The following WDR81 variants were observed in gnomAD, a reference collection of about 807,000 sequenced individuals.
WDR81 encodes WD repeat domain 81.
Under a neutral mutation model 140.8 loss-of-function variants are expected in WDR81, and 92 were observed. That is an observed-to-expected ratio of 0.65 (90% CI 0.55 to 0.78). The LOEUF (loss-of-function observed/expected upper bound fraction) is 0.78. WDR81 is among the 30% of genes least tolerant of loss of function. The pLI, the probability that WDR81 is intolerant of heterozygous loss-of-function variation, is 0.00. For missense variants in WDR81, 2,502 were observed against 2,636.4 expected (o/e 0.95, Z 1.12); for synonymous variants, 1,183 against 1,156.4 (o/e 1.02, Z -0.47).
chr17:1,726,879 C>T lies in WDR81; in HGVS notation c.1920C>T (p.Ala640=). Residue 640 remains alanine, a synonymous_variant, in exon 1 of 10, where the codon GCC becomes GCT. Coordinates refer to ENST00000409644, the MANE Select transcript of WDR81 (RefSeq NM_001163809.2). The stretch of plus-strand genomic sequence containing the variant: ...GAGTGGGCCGGCCAGTTTTAGAGGC[C>T]ACTCCCTGTGAGGCTAGCTGGACCA... ...PNGVGRPVLE[A]TPCEASWTRD... The T allele has an allele frequency of 6.4e-7, 1 of 1,550,398 alleles. No individual in the cohort carries two copies. Among genetic ancestry groups the T allele is most frequent in the Non-Finnish European group, 8.7e-7 (1 of 1,146,972 alleles).
Position 1,725,631 on chromosome 17 carries a change from G to T in WDR81, c.672G>T (p.Leu224Phe). The T allele has an allele frequency of 6.5e-7, 1 of 1,545,500 alleles. No individual in the cohort carries two copies. Residue 224 changes from leucine (L) to phenylalanine (F), a missense_variant, in exon 1 of 10, where the codon TTG becomes TTT. Around this residue, in one of 3 missense-constraint regions of WDR81, gnomAD observed 547 missense variants for 513.8 expected, o/e 1.06. Transcript: ENST00000409644. ...ACPSLLRAEA[L>F]LESPEMLYVV... ...CTAGTCTTTTACGGGCTGAGGCCTT[G>T]CTGGAGTCGCCGGAGATGCTGTATG... is the stretch of plus-strand genomic sequence containing the variant.
chr17:1,717,863 C>T (rs1226786066), intron 1 of WDR81, among the ~76,000 whole-genome samples: 1 of 152,146 alleles, frequency 6.6e-6, no homozygotes, highest in Non-Finnish European at 1.5e-5. Flanking sequence ...GTGGTCTAGA[C>T]CCTCCCTGGT....
intron 7 of WDR81, among the ~76,000 whole-genome samples, 165 bp downstream of exon 7, chr17:1,734,381 G>C (rs1904671377): frequency 6.6e-6 from 1 of 152,224 alleles, no homozygotes. Flanking sequence ...ACTTGAGTCT[G>C]AATTGGCTCC....
chr17:1,738,064 A>G lies in WDR81; in HGVS notation c.*379A>G, dbSNP rs1373222016. 1 of 310,704 alleles carries G rather than the reference A, an allele frequency of 3.2e-6. No individual in the cohort carries two copies. The highest frequency in any genetic ancestry group is 6.1e-6 in the Non-Finnish European group (1 of 165,046). 19.2% of individuals were successfully genotyped at this position (310,704 alleles called of 1,614,324 possible). A position where few individuals can be genotyped will look rare whatever the true frequency, so the allele number is the denominator to read the frequency against. On this transcript the variant is annotated 3_prime_UTR_variant, in exon 10 of 10. Transcript: ENST00000409644. ...CTGCCCAGCCGGTCTCTAGCCCCTC[A>G]GCCCCCGCTGGGCACTCTCTGTCCC...
At position 1,733,625 on chromosome 17, in the gene WDR81, A is replaced by T. The variant is rs2151173260; in HGVS notation, c.4588A>T (p.Ser1530Cys). 5.6e-6 allele frequency: 9 copies of T among 1,594,900 alleles called. No homozygotes were observed. The highest frequency in any genetic ancestry group is 7.7e-6 in the Non-Finnish European group (9 of 1,169,604). Reference protein sequence around the residue: ...SISPSSRNPASVEPTMPGTGP... With the variant: ...SISPSSRNPACVEPTMPGTGP... ...CAGCCCCAGCAGTCGCAACCCTGCC[A>T]GCGTGGAGCCCACCATGCCCGGCAC... The change falls in exon 7 of 10, where the codon AGC becomes TGC. Residue 1530 changes from serine (S) to cysteine (C), a missense_variant. Ser to Cys is a moderately radical substitution (Grantham distance 112). Around this residue, in one of 3 missense-constraint regions of WDR81, gnomAD observed 1,737 missense variants for 1,843.0 expected, o/e 0.94. Transcript: ENST00000409644.
chr17:1,732,977 C>T, intron 6 of WDR81, 146 bp downstream of exon 6: 1 of 1,028,098 alleles, frequency 9.7e-7, no homozygotes, highest in Non-Finnish European at 1.4e-6. Flanking sequence ...GCCTCAGACC[C>T]CTACCCCCAA....
upstream of WDR81, among the ~76,000 whole-genome samples, chr17:1,723,687 G>C (rs1221210371): frequency 6.6e-6 from 1 of 151,672 alleles, no homozygotes; most frequent in East Asian, 2.0e-4. Flanking sequence ...GGGTTTCACC[G>C]TGTTAGCCAG....
At position 1,725,061 on chromosome 17, in the gene WDR81, G is replaced by A; in HGVS notation, c.102G>A (p.Val34=). Residue 34 remains valine (V), a synonymous_variant, in exon 1 of 10, where the codon GTG becomes GTA. Coordinates refer to ENST00000409644, the MANE Select transcript of WDR81 (RefSeq NM_001163809.2). Reference sequence around the variant, plus strand: ...ACATGCAGGAGCTGCTCCGGAGCGTGGAGAGGGACCTGAGCATCGATCCCA... The same window carrying A: ...ACATGCAGGAGCTGCTCCGGAGCGTAGAGAGGGACCTGAGCATCGATCCCA... ...SPDMQELLRS[V]ERDLSIDPRQ... 1 of 1,484,578 alleles carries A rather than the reference G, an allele frequency of 6.7e-7. No individual in the cohort carries two copies. Among genetic ancestry groups the A allele is most frequent in the Non-Finnish European group, 9.0e-7 (1 of 1,117,042 alleles). 92.0% of individuals were successfully genotyped at this position (1,484,578 alleles called of 1,614,324 possible). A position where few individuals can be genotyped will look rare whatever the true frequency, so the allele number is the denominator to read the frequency against.
At position 1,726,024 on chromosome 17, in the gene WDR81, C is replaced by T; in HGVS notation, c.1065C>T (p.Gly355=). The T allele has an allele frequency of 6.5e-7, 1 of 1,544,722 alleles. No homozygotes were observed. Among genetic ancestry groups the T allele is most frequent in the Non-Finnish European group, 8.7e-7 (1 of 1,143,124 alleles). ...LRSLVLDWVH[G]RISNFHYLMQ... is the part of the protein sequence containing the mutation. Reference sequence around the variant, plus strand: ...GCCTCGTGCTAGATTGGGTCCACGGCCGCATCAGCAACTTCCACTACCTCA... The same window carrying T: ...GCCTCGTGCTAGATTGGGTCCACGGTCGCATCAGCAACTTCCACTACCTCA... The change falls in exon 1 of 10, where the codon GGC becomes GGT. Residue 355 remains glycine (G), a synonymous_variant. Coordinates refer to ENST00000409644, the MANE Select transcript of WDR81 (RefSeq NM_001163809.2).
intron 1 of WDR81, among the ~76,000 whole-genome samples, chr17:1,729,112 GCAGA>G (rs1242793312): frequency 6.6e-5 from 10 of 152,198 alleles, no homozygotes; most frequent in South Asian, 2.1e-4. Flanking sequence ...ATGCCGCAGT[GCAGA>G]CAGTCTTAAG....
At position 1,728,445 on chromosome 17, in the gene WDR81, C is replaced by T. The variant is rs530391216; in HGVS notation, c.3486C>T (p.Cys1162=). 1.1e-5 allele frequency: 18 copies of T among 1,611,752 alleles called. No individual in the cohort carries two copies. The highest frequency in any genetic ancestry group is 1.6e-4 in the Middle Eastern group (1 of 6,080). Residue 1162 remains cysteine (C), a synonymous_variant, in exon 1 of 10, where the codon TGC becomes TGT. Coordinates refer to ENST00000409644, the MANE Select transcript of WDR81 (RefSeq NM_001163809.2). ...AGGAAGAGGAGGAGGAGGACAGCTGCGTGGTGCTAGAGGAGGAGGAGGGGG... is the reference window on the plus strand; with the variant it reads ...AGGAAGAGGAGGAGGAGGACAGCTGTGTGGTGCTAGAGGAGGAGGAGGGGG... ...SEEEEEEEDS[C]VVLEEEEGEQ...
chr17:1,724,948 G>A lies in WDR81; in HGVS notation c.-12G>A, dbSNP rs577865106. ...GCTCAGCCCCGCGCTGCCCCCGGGC[G>A]GCCTGGAGGAGATGGCCCAGGGCAG... On this transcript the variant is annotated 5_prime_UTR_variant, in exon 1 of 10. Coordinates refer to ENST00000409644, the MANE Select transcript of WDR81 (RefSeq NM_001163809.2). 5 of 1,389,226 alleles carry A rather than the reference G, an allele frequency of 3.6e-6. No individual in the cohort carries two copies. The highest frequency in any genetic ancestry group is 1.7e-5 in the South Asian group (1 of 59,532). The allele number at this position is 1,389,226 out of a possible 1,614,324, so 86.1% of individuals were successfully genotyped here. A position where few individuals can be genotyped will look rare whatever the true frequency, so the allele number is the denominator to read the frequency against.
In WDR81 at chr17:1,726,309, C is replaced by T. The variant is rs553915473; in HGVS notation, c.1350C>T (p.Tyr450=). 85 of 1,544,248 alleles carry T rather than the reference C, an allele frequency of 5.5e-5. No individual in the cohort carries two copies. Among genetic ancestry groups the T allele is most frequent in the Middle Eastern group, 5.0e-4 (3 of 5,974 alleles). ...HISDVLSDIT[Y]YVYKARRTPR... is the part of the protein sequence containing the mutation. ...CAGACGTGCTCTCCGACATCACGTA[C>T]TATGTGTACAAGGCTCGGCGCACGC... Residue 450 remains tyrosine, a synonymous_variant, in exon 1 of 10, where the codon TAC becomes TAT. Coordinates refer to ENST00000409644, the MANE Select transcript of WDR81 (RefSeq NM_001163809.2).
rs899466978 is a variant in WDR81 at position 1,724,897 on chromosome 17, G to A, written c.-63G>A. ...GCCCCGCCGGCCTGGCACCCCGGAAGCCGTCGCCAGCAGGGCCGTGGCTGG... is the reference window on the plus strand; with the variant it reads ...GCCCCGCCGGCCTGGCACCCCGGAAACCGTCGCCAGCAGGGCCGTGGCTGG... On this transcript the variant is annotated 5_prime_UTR_variant, in exon 1 of 10. Coordinates refer to ENST00000409644, the MANE Select transcript of WDR81 (RefSeq NM_001163809.2). 5.5e-5 allele frequency: 71 copies of A among 1,285,058 alleles called. No homozygotes were observed. The highest frequency in any genetic ancestry group is 6.8e-5 in the Non-Finnish European group (69 of 1,018,704). The allele number at this position is 1,285,058 out of a possible 1,614,324, so 79.6% of individuals were successfully genotyped here.
In WDR81 at chr17:1,717,679, T is replaced by G. The variant is rs191614085; in HGVS notation, c.-124+1046T>G. On this transcript the variant is annotated intron_variant, in intron 1 of 10. Transcript: ENST00000309182. Reference sequence around the variant, plus strand: ...TACCCTCCTCCATCCCCTTATCCACTCCCATGGGTGGTGAAGGAAAGAACG... The same window carrying G: ...TACCCTCCTCCATCCCCTTATCCACGCCCATGGGTGGTGAAGGAAAGAACG... Among the ~76,000 whole-genome samples, 20 of 152,222 alleles carry G rather than the reference T, an allele frequency of 1.3e-4. 1 individual carries two copies. In the East Asian group the frequency reaches 2.5e-3, roughly 19 times the overall value.
At chr17:1,730,244 G>T (rs998058028) in intron 1 of WDR81, 136 bp from the exon 2 acceptor site, 2 of 685,256 alleles carry the variant, frequency 2.9e-6, no homozygotes, top group Admixed American at 5.6e-5. Context: ...AGGGGGTGGT[G>T]TGGGACAGCC....
At chr17:1,732,537 A>G in intron 5 of WDR81, 47 bp downstream of exon 5, 1 of 1,597,702 alleles carries the variant, frequency 6.3e-7, no homozygotes. Context: ...GGGGCTGTGG[A>G]CCTGGGTGAC....
chr17:1,736,303 G>C, intron 9 of WDR81, 85 bp downstream of exon 9: 2 of 1,470,144 alleles, frequency 1.4e-6, no homozygotes, highest in Non-Finnish European at 1.8e-6. Context: ...GCCTGCCCGG[G>C]TTCAGGCTCG....
At position 1,735,152 on chromosome 17, in the gene WDR81, G is replaced by A. The variant is rs1023376228; in HGVS notation, c.5180-420G>A. On this transcript the variant is annotated intron_variant, in intron 7 of 9. Coordinates refer to ENST00000409644, the MANE Select transcript of WDR81 (RefSeq NM_001163809.2). This position sits in a 1 kb window ranked among gnomAD's most constrained non-coding sequence, Gnocchi z 4.2. ...TCTACTAAGAATACAAAAAAAGGCCGGACGCGGTGGCTCACGCCTGTAATC... is the reference window on the plus strand; with the variant it reads ...TCTACTAAGAATACAAAAAAAGGCCAGACGCGGTGGCTCACGCCTGTAATC... Among the ~76,000 whole-genome samples the A allele has an allele frequency of 7.2e-5, 11 of 152,050 alleles. No individual in the cohort carries two copies. Among genetic ancestry groups the A allele is most frequent in the South Asian group, 2.1e-4 (1 of 4,820 alleles).
Sources: gnomAD v4.1 joint callset for allele counts (sites outside exome capture counted in the v4.1 genomes callset) on GRCh38, gnomAD v4.1.1 for gene constraint, gnomAD v4.1.1 regional missense constraint, Gnocchi (gnomAD v3.1) non-coding constraint, MANE v1.5 for transcripts, NCBI Gene and HGNC (gene_info 2026-07-23, HGNC 2026-07-21) for gene names.